The following PTCD3 variants were observed in gnomAD, a reference collection of about 807,000 sequenced individuals.
The protein encoded by PTCD3 is pentatricopeptide repeat domain 3.
In PTCD3, 89 loss-of-function variants were observed where a neutral mutation model predicts 101.9. The observed-to-expected ratio is 0.87, with a 90% confidence interval of 0.74 to 1.04. The LOEUF is 1.04. Ranked by LOEUF, PTCD3 falls within the 50% of genes least tolerant of loss-of-function variation. The pLI, the probability that PTCD3 is intolerant of heterozygous loss-of-function variation, is 0.00. For missense variants in PTCD3, 870 were observed against 828.2 expected (o/e 1.05, Z -0.62); for synonymous variants, 296 against 278.5 (o/e 1.06, Z -0.63).
intron 6 of PTCD3, among the ~76,000 whole-genome samples, chr2:86,118,717 C>T (rs1023876746): frequency 6.6e-6 from 1 of 152,144 alleles, no homozygotes; most frequent in African/African-American, 2.4e-5. Context: ...TTAGATGATA[C>T]ACAGCATTAG....
chr2:86,131,921 T>C (rs1301707374), intron 16 of PTCD3, among the ~76,000 whole-genome samples: 1 of 152,274 alleles, frequency 6.6e-6, no homozygotes, highest in Non-Finnish European at 1.5e-5. Context: ...AGCGTATGTA[T>C]ATCCAGGCAT....
Position 86,108,333 on chromosome 2 carries a change from C to T in PTCD3, c.105-17C>T. On this transcript the variant is annotated splice_polypyrimidine_tract_variant and intron_variant, in intron 1 of 23. Coordinates refer to ENST00000254630, the MANE Select transcript of PTCD3 (RefSeq NM_017952.6). ...TCATTAATGACTATTAGATTTAAGG[C>T]TTTTGTTTTTTTGCAGATTTTATTC... is the stretch of plus-strand genomic sequence containing the variant. 1 of 1,606,334 alleles carries T rather than the reference C, an allele frequency of 6.2e-7. No homozygotes were observed.
intron 11 of PTCD3, 74 bp downstream of exon 11, chr2:86,125,589 G>T (rs1010452472): frequency 1.6e-5 from 23 of 1,437,294 alleles, no homozygotes; most frequent in Non-Finnish European, 2.3e-5. Flanking sequence ...GCTTTGGATC[G>T]TGCCTCAGTC....
chr2:86,137,008 A>G lies in PTCD3; in HGVS notation c.1847A>G (p.Asp616Gly). The G allele has an allele frequency of 1.2e-6, 2 of 1,613,774 alleles. No individual in the cohort carries two copies. The highest frequency in any genetic ancestry group is 2.2e-5 in the South Asian group (2 of 91,044). The change falls in exon 23 of 24, where the codon GAC becomes GGC. Residue 616 changes from aspartate to glycine, a missense_variant. By Grantham distance (94) the Asp-to-Gly change is moderately conservative. Coordinates refer to ENST00000254630, the MANE Select transcript of PTCD3 (RefSeq NM_017952.6). Reference protein sequence around the residue: ...PRSELLNELMDSAKVSNSPSQ... With the variant: ...PRSELLNELMGSAKVSNSPSQ... Reference sequence around the variant, plus strand: ...AGTGAGTTGCTGAATGAGCTTATGGACAGTGCAAAAGTGTCTAACAGCCCT... The same window carrying G: ...AGTGAGTTGCTGAATGAGCTTATGGGCAGTGCAAAAGTGTCTAACAGCCCT...
intron 21 of PTCD3, chr2:86,136,116 C>T (rs1674580742): frequency 6.2e-6 from 3 of 481,654 alleles, no homozygotes; most frequent in Admixed American, 5.0e-5. Flanking sequence ...GGATGGATTC[C>T]CTCCTTAGAA....
At chr2:86,115,180 G>A (rs12617717) in intron 4 of PTCD3, among the ~76,000 whole-genome samples, 11,323 of 152,272 alleles carry the variant, frequency 0.074, 689 homozygotes, top group African/African-American at 0.16. Context: ...GCAGCCAAGG[G>A]CCAGCCTTGG....
rs932201043 is a variant in PTCD3 at position 86,118,925 on chromosome 2, T to C, written c.419T>C (p.Leu140Ser). The C allele has an allele frequency of 1.9e-6, 3 of 1,612,174 alleles. No individual in the cohort carries two copies. In the African/African-American group the frequency reaches 4.0e-5, roughly 22 times the overall value. The change falls in exon 7 of 24, where the codon TTA (leucine) becomes TCA (serine). Residue 140 changes from leucine to serine, a missense_variant. Leu to Ser is a moderately radical substitution (Grantham distance 145, BLOSUM62 -2). Coordinates refer to ENST00000254630, the MANE Select transcript of PTCD3 (RefSeq NM_017952.6). ...KDIAEPHIPC[L>S]MPEYFEPQIK... ...TTAGTCATCTTGTTTTCCTAGTGTTTAATGCCTGAGTACTTTGAACCTCAG... is the reference window on the plus strand; with the variant it reads ...TTAGTCATCTTGTTTTCCTAGTGTTCAATGCCTGAGTACTTTGAACCTCAG...
intron 21 of PTCD3, chr2:86,136,143 C>G (rs544710038): frequency 5.9e-5 from 26 of 443,286 alleles, no homozygotes; most frequent in South Asian, 4.0e-4. Flanking sequence ...TGGTGATCCT[C>G]TACAAGAGGA....
intron 7 of PTCD3, chr2:86,119,302 C>A: frequency 2.3e-6 from 1 of 438,374 alleles, no homozygotes; most frequent in Non-Finnish European, 4.0e-6. Flanking sequence ...TCTACCTTAG[C>A]TTCTGTTTTT....
chr2:86,112,833 T>C (rs1189497406), intron 4 of PTCD3, among the ~76,000 whole-genome samples: 1 of 152,060 alleles, frequency 6.6e-6, no homozygotes, highest in Non-Finnish European at 1.5e-5. Context: ...TATCTCGAAA[T>C]GCAGTGTTTT....
intron 6 of PTCD3, among the ~76,000 whole-genome samples, chr2:86,118,391 T>G (rs899384839): frequency 2.0e-5 from 3 of 152,202 alleles, no homozygotes; most frequent in Non-Finnish European, 4.4e-5. Context: ...TCATCATATC[T>G]AAACTGCTCC....
Position 86,140,785 on chromosome 2 carries a change from A to T in PTCD3, c.*3226A>T, listed in dbSNP as rs564144031. 6.6e-6 allele frequency: 1 copy of T among 152,150 alleles called. No homozygotes were observed. The highest frequency in any genetic ancestry group is 2.4e-5 in the African/African-American group (1 of 41,506). 9.4% of individuals were successfully genotyped at this position (152,150 alleles called of 1,614,324 possible). A position where few individuals can be genotyped will look rare whatever the true frequency, so the allele number is the denominator to read the frequency against. On this transcript the variant is annotated 3_prime_UTR_variant, in exon 24 of 24. Coordinates refer to ENST00000254630, the MANE Select transcript of PTCD3 (RefSeq NM_017952.6). ...CTGGCCCAGGAAATAGCCTATTAAA[A>T]AATGCTGTCCAGGCCAGGCACAGTG...
At chr2:86,127,900 T>A (rs1674424181) in intron 13 of PTCD3, 41 bp from the exon 14 acceptor site, 2 of 1,499,444 alleles carry the variant, frequency 1.3e-6, no homozygotes, top group Non-Finnish European at 1.9e-6. Context: ...GCTGTGTTTT[T>A]ACCTCATTGT....
Position 86,116,543 on chromosome 2 carries a change from T to G in PTCD3, c.254T>G (p.Val85Gly), listed in dbSNP as rs749319244. 1 of 1,607,716 alleles carries G rather than the reference T, an allele frequency of 6.2e-7. No homozygotes were observed. Among genetic ancestry groups the G allele is most frequent in the Non-Finnish European group, 8.5e-7 (1 of 1,174,190 alleles). ...ASTVNRDTTA[V>G]PYVFQDDPYL... ...TCTTTTCCACAGGATACCACAGCTG[T>G]GCCTTATGTGTTTCAAGATGATCCT... Residue 85 changes from valine (V) to glycine (G), a missense_variant, in exon 5 of 24, where the codon GTG (valine) becomes GGG (glycine). Transcript: ENST00000254630.
chr2:86,125,948 G>T (rs1388304584), intron 12 of PTCD3, 68 bp downstream of exon 12: 2 of 1,167,326 alleles, frequency 1.7e-6, no homozygotes, highest in Admixed American at 2.0e-5. Flanking sequence ...TACATGGGCT[G>T]GCCAGGTGTG....
chr2:86,116,192 C>T (rs540678048), intron 4 of PTCD3, among the ~76,000 whole-genome samples: 9 of 152,164 alleles, frequency 5.9e-5, no homozygotes, highest in African/African-American at 1.9e-4. Flanking sequence ...TTACAACTTA[C>T]GGAATTTTTG....
In PTCD3 at chr2:86,127,432, G is replaced by A. The variant is rs919289550; in HGVS notation, c.1096+127G>A. On this transcript the variant is annotated intron_variant, in intron 13 of 23. Transcript: ENST00000254630. ...AATATGTTGGAAATTTTCTTTCCAT[G>A]TTTGGCACATTTACTTACATGTACT... The A allele has an allele frequency of 2.6e-6, 3 of 1,152,770 alleles. No homozygotes were observed. In the African/African-American group the frequency reaches 4.7e-5, roughly 18 times the overall value. The allele number at this position is 1,152,770 out of a possible 1,614,324, so 71.4% of individuals were successfully genotyped here.
intron 4 of PTCD3, among the ~76,000 whole-genome samples, chr2:86,112,447 G>A (rs1421804501): frequency 1.3e-5 from 2 of 151,046 alleles, no homozygotes; most frequent in South Asian, 2.1e-4. Context: ...TTGGGAGACC[G>A]AGGGAGGCTG....
chr2:86,134,306 G>A lies in PTCD3; in HGVS notation c.1558G>A (p.Gly520Ser), dbSNP rs1674542046. The change falls in exon 20 of 24, where the codon GGT (glycine) becomes AGT (serine). Residue 520 changes from glycine to serine, a missense_variant. By Grantham distance (56) the Gly-to-Ser change is moderately conservative. Transcript: ENST00000254630. Reference sequence around the variant, plus strand: ...CTTGTTTCAAGATAGTAAAGAATATGGTCATACTTTCCGCAGTGACCTGAG... The same window carrying A: ...CTTGTTTCAAGATAGTAAAGAATATAGTCATACTTTCCGCAGTGACCTGAG... ...PKIWKDSKEY[G>S]HTFRSDLREE... The A allele has an allele frequency of 6.2e-7, 1 of 1,610,034 alleles. No individual in the cohort carries two copies. The highest frequency in any genetic ancestry group is 1.3e-5 in the African/African-American group (1 of 74,846).
Sources: gnomAD v4.1 joint callset for allele counts (sites outside exome capture counted in the v4.1 genomes callset) on GRCh38, gnomAD v4.1.1 for gene constraint, MANE v1.5 for transcripts, NCBI Gene and HGNC (gene_info 2026-07-23, HGNC 2026-07-21) for gene names.